Variants in GLIS3 observed in about 807,000 individuals in gnomAD.
GLIS3 encodes zinc finger protein GLIS3.
Under a neutral mutation model 78.6 loss-of-function variants are expected in GLIS3, and 53 were observed. The ratio of observed to expected loss-of-function variants is 0.67; its 90% CI spans 0.54 to 0.85. The LOEUF (loss-of-function observed/expected upper bound fraction) is 0.85, where lower values mean the gene tolerates loss of function less well. GLIS3 is among the 40% of genes least tolerant of loss of function. GLIS3 has a pLI of 0.00. For synonymous variants in GLIS3, 684 were observed against 509.9 expected (o/e 1.34, Z -4.60); for missense variants, 1,703 against 1,231.1 (o/e 1.38, Z -5.74).
At position 3,826,442 on chromosome 9, in the gene GLIS3, T is replaced by G. The variant is rs1381871033; in HGVS notation, c.*1830A>C. The G allele has an allele frequency of 3.0e-5, 4 of 134,366 alleles. No individual in the cohort carries two copies. The highest frequency in any genetic ancestry group is 1.1e-4 in the African/African-American group (4 of 35,936). 8.3% of individuals were successfully genotyped at this position (134,366 alleles called of 1,614,324 possible). A position where few individuals can be genotyped will look rare whatever the true frequency, so the allele number is the denominator to read the frequency against. On this transcript the variant is annotated 3_prime_UTR_variant, in exon 11 of 11. Coordinates refer to ENST00000381971, the MANE Select transcript of GLIS3 (RefSeq NM_001042413.2). ...GTTCACTTGTAAAGGAAGCCTGGTG[T>G]GCATCTTTTGTAAAGCAGAGCAGGT... is the stretch of plus-strand genomic sequence containing the variant.
intron 4 of GLIS3, among the ~76,000 whole-genome samples, chr9:4,092,573 C>A (rs546032055): frequency 7.8e-4 from 119 of 152,182 alleles, no homozygotes; most frequent in African/African-American, 2.6e-3. Flanking sequence ...AAAAGTAAGA[C>A]ATGAATACAC....
intron 6 of GLIS3, among the ~76,000 whole-genome samples, chr9:3,914,339 T>C (rs536640078): frequency 8.6e-5 from 13 of 151,590 alleles, no homozygotes; most frequent in African/African-American, 2.9e-4. Context: ...GGATTTTTTT[T>C]TTTTTTTTGC....
At chr9:4,445,114 G>A in the GLIS3 span, among the ~76,000 whole-genome samples, 1 of 152,136 alleles carries the variant, frequency 6.6e-6, no homozygotes, top group Non-Finnish European at 1.5e-5. Flanking sequence ...CGGCACAGTG[G>A]TGCAATGAGG....
intron 4 of GLIS3, among the ~76,000 whole-genome samples, chr9:4,009,130 G>A (rs1165036062): frequency 1.3e-5 from 2 of 152,186 alleles, no homozygotes; most frequent in African/African-American, 4.8e-5. Context: ...CAAACACTGA[G>A]TCAGTCTTGC....
the GLIS3 span, among the ~76,000 whole-genome samples, chr9:4,469,102 T>C: frequency 6.6e-6 from 1 of 152,336 alleles, no homozygotes; most frequent in East Asian, 1.9e-4. Context: ...TAAATATATA[T>C]GCACCCAATA....
At chr9:4,282,133 C>T (rs1827616055) in intron 2 of GLIS3, among the ~76,000 whole-genome samples, 1 of 152,206 alleles carries the variant, frequency 6.6e-6, no homozygotes. Flanking sequence ...CTTAACCTTT[C>T]TCCGTACACA....
chr9:3,829,410 A>G lies in GLIS3; in HGVS notation c.2556T>C (p.Ser852=). The change falls in exon 10 of 11, where the codon AGT becomes AGC. Residue 852 remains serine, a synonymous_variant. Transcript: ENST00000381971. The stretch of plus-strand genomic sequence containing the variant: ...GGCAGTCCTCAAACGAAGGCACCAC[A>G]CTGCAGGAGCTGACAGGCGGCACAA... ...QRIVPPVSSC[S]VVPSFEDCLV... The G allele has an allele frequency of 1.9e-6, 3 of 1,614,064 alleles. No individual in the cohort carries two copies.
intron 6 of GLIS3, among the ~76,000 whole-genome samples, chr9:3,907,230 C>A (rs1032164075): frequency 1.3e-5 from 2 of 152,192 alleles, no homozygotes; most frequent in African/African-American, 2.4e-5. Context: ...GAGGGCTAGG[C>A]TGACTGCCTC....
At chr9:4,267,817 T>C (rs1202857143) in intron 2 of GLIS3, among the ~76,000 whole-genome samples, 1 of 152,162 alleles carries the variant, frequency 6.6e-6, no homozygotes, top group Non-Finnish European at 1.5e-5. Flanking sequence ...AAGAATGAGT[T>C]TTTTAAGCCT....
chr9:4,453,084 G>GGAAGGGAA, the GLIS3 span, among the ~76,000 whole-genome samples: 1 of 152,032 alleles, frequency 6.6e-6, no homozygotes, highest in African/African-American at 2.4e-5. Flanking sequence ...TCTTTATCAT[G>GGAAGGGAA]GTGCTAGGAA....
intron 8 of GLIS3, among the ~76,000 whole-genome samples, chr9:3,876,110 ACAC>A (rs754164985): frequency 6.6e-6 from 1 of 152,314 alleles, no homozygotes; most frequent in Middle Eastern, 3.4e-3. Flanking sequence ...AAGCTAAGAA[ACAC>A]CACATCATCT....
chr9:4,190,883 A>C lies in GLIS3; in HGVS notation c.389-64942T>G, dbSNP rs561197081. Among the ~76,000 whole-genome samples, 11 of 152,380 alleles carry C rather than the reference A, an allele frequency of 7.2e-5. No homozygotes were observed. In the East Asian group the frequency reaches 2.1e-3, roughly 29 times the overall value. ...AAGACAGTGGGGGCCAATATGCAAC[A>C]TTCTTAAAGAAAAGAATTTTCAACC... On this transcript the variant is annotated intron_variant, in intron 2 of 10. Transcript: ENST00000381971.
rs1024111074 is a variant in GLIS3 at position 4,248,375 on chromosome 9, G to T, written c.388+37663C>A. On this transcript the variant is annotated intron_variant, in intron 2 of 10. Coordinates refer to ENST00000381971, the MANE Select transcript of GLIS3 (RefSeq NM_001042413.2). ...TTTCCTGTGTTGATTTGCTGAGAATGATCGTTTCCAGCTTCATCCATGTCC... is the reference window on the plus strand; with the variant it reads ...TTTCCTGTGTTGATTTGCTGAGAATTATCGTTTCCAGCTTCATCCATGTCC... Among the ~76,000 whole-genome samples the T allele has an allele frequency of 3.9e-5, 6 of 152,120 alleles. 1 individual carries two copies. The highest frequency in any genetic ancestry group is 7.3e-5 in the Non-Finnish European group (5 of 68,034).
intron 2 of GLIS3, among the ~76,000 whole-genome samples, chr9:4,165,206 T>A (rs1835785171): frequency 6.6e-6 from 1 of 152,114 alleles, no homozygotes; most frequent in Admixed American, 6.5e-5. Context: ...TTTGGGAGGC[T>A]GAGATGGGCA....
intron 6 of GLIS3, among the ~76,000 whole-genome samples, chr9:3,906,297 G>A (rs1173512568): frequency 6.6e-6 from 1 of 152,210 alleles, no homozygotes; most frequent in Non-Finnish European, 1.5e-5. Context: ...AAGTGTGTCT[G>A]GTTAGGGGCT....
the GLIS3 span, among the ~76,000 whole-genome samples, chr9:4,427,903 G>A: frequency 1.3e-5 from 2 of 151,734 alleles, no homozygotes; most frequent in Non-Finnish European, 2.9e-5. Context: ...ACTAATATGT[G>A]TAGAAAATTT....
the GLIS3 span, chr9:4,386,337 ATATTTT>A: frequency 6.6e-6 from 1 of 152,040 alleles, no homozygotes; most frequent in African/African-American, 2.4e-5. Context: ...GTAGCCAGGA[ATATTTT>A]TATTTTTGTT....
intron 2 of GLIS3, among the ~76,000 whole-genome samples, chr9:4,216,725 A>G (rs1424060687): frequency 6.6e-6 from 1 of 152,150 alleles, no homozygotes; most frequent in African/African-American, 2.4e-5. Context: ...CCTAGGATTC[A>G]GGTTTCGAAA....
At chr9:4,370,645 G>A in the GLIS3 span, among the ~76,000 whole-genome samples, 1 of 151,608 alleles carries the variant, frequency 6.6e-6, no homozygotes, top group Non-Finnish European at 1.5e-5. Flanking sequence ...TATTAAACAT[G>A]CTATATTTAA....
Sources: allele counts gnomAD v4.1 joint callset (sites outside exome capture counted in the v4.1 genomes callset), GRCh38; gene constraint gnomAD v4.1.1; transcripts MANE v1.5; gene names NCBI Gene and HGNC (gene_info 2026-07-23, HGNC 2026-07-21).